KLHL32: variants seen among roughly 807,000 people sequenced by gnomAD.
KLHL32 encodes the protein kelch-like protein 32.
KLHL32 carries 35 observed loss-of-function variants against 64.8 expected under a neutral mutation model. The observed-to-expected ratio is 0.54, with a 90% CI of 0.41 to 0.72. The LOEUF (loss-of-function observed/expected upper bound fraction) is 0.72. Among genes scored for constraint, KLHL32 ranks in the 30% least tolerant of loss-of-function variants. KLHL32 has a pLI of 0.00. For synonymous variants in KLHL32, 259 were observed against 281.0 expected, an observed-to-expected ratio of 0.92 and a Z score of 0.78; for missense variants, 589 against 768.5, an observed-to-expected ratio of 0.77 and a Z score of 2.76.
chr6:97,018,978 A>G (rs1201476754), intron 3 of KLHL32, among the ~76,000 whole-genome samples: 1 of 152,236 alleles, frequency 6.6e-6, no homozygotes, highest in Non-Finnish European at 1.5e-5. Flanking sequence ...ACACATTCTC[A>G]GCACACATGA....
chr6:96,991,277 G>T (rs1218640431), intron 3 of KLHL32, among the ~76,000 whole-genome samples: 1 of 152,134 alleles, frequency 6.6e-6, no homozygotes, highest in Non-Finnish European at 1.5e-5. Flanking sequence ...TGCTCAGCTG[G>T]GGGTGGGGTG....
intron 6 of KLHL32, among the ~76,000 whole-genome samples, chr6:97,087,640 G>C (rs565103774): frequency 9.2e-5 from 14 of 152,164 alleles, no homozygotes; most frequent in Non-Finnish European, 1.9e-4. Context: ...GGAGGGGGGC[G>C]TGCTATTTGA....
chr6:97,062,505 T>C (rs1262657013), intron 4 of KLHL32: 1 of 152,236 alleles, frequency 6.6e-6, no homozygotes, highest in Non-Finnish European at 1.5e-5. Context: ...AAGATGAGTG[T>C]TGGTATTTTT....
chr6:97,055,727 G>A (rs954349273), intron 4 of KLHL32, among the ~76,000 whole-genome samples: 1 of 148,956 alleles, frequency 6.7e-6, no homozygotes, highest in Non-Finnish European at 1.5e-5. Flanking sequence ...GAACCTGGGA[G>A]GTGGAGGTTG....
intron 4 of KLHL32, chr6:97,062,633 C>T (rs1789097336): frequency 6.6e-6 from 1 of 152,070 alleles, no homozygotes; most frequent in South Asian, 2.1e-4. Flanking sequence ...GTGTAGAGAT[C>T]AATTAATTCA....
At chr6:97,016,080 G>A (rs1781148607) in intron 3 of KLHL32, among the ~76,000 whole-genome samples, 1 of 152,214 alleles carries the variant, frequency 6.6e-6, no homozygotes, top group African/African-American at 2.4e-5. Context: ...CTGCAGGGTT[G>A]GAGCCCTCAT....
intron 4 of KLHL32, among the ~76,000 whole-genome samples, chr6:97,046,740 A>G (rs552109790): frequency 2.6e-5 from 4 of 152,276 alleles, no homozygotes; most frequent in African/African-American, 7.2e-5. Context: ...TTCTCTTACT[A>G]TGGAGTCGAC....
chr6:97,055,950 C>A (rs998986097), intron 4 of KLHL32, among the ~76,000 whole-genome samples: 2 of 151,872 alleles, frequency 1.3e-5, no homozygotes, highest in African/African-American at 2.4e-5. Flanking sequence ...ACTCACTTTT[C>A]CACTCCAAGT....
At chr6:97,101,802 A>C (rs1009623538) in intron 6 of KLHL32, among the ~76,000 whole-genome samples, 1 of 152,218 alleles carries the variant, frequency 6.6e-6, no homozygotes, top group Non-Finnish European at 1.5e-5. Context: ...AGTATTTAAT[A>C]CTGTATAGCA....
At chr6:97,135,459 C>T (rs1382987722) in intron 10 of KLHL32, among the ~76,000 whole-genome samples, 2 of 152,074 alleles carry the variant, frequency 1.3e-5, no homozygotes, top group Admixed American at 6.5e-5. Flanking sequence ...GCATGTGCCA[C>T]CATGCCCAGC....
chr6:97,110,651 A>T (rs1562347858), intron 6 of KLHL32, among the ~76,000 whole-genome samples: 1 of 152,198 alleles, frequency 6.6e-6, no homozygotes, highest in African/African-American at 2.4e-5. Context: ...CTGATCCCCC[A>T]GTAAAATCTG....
At chr6:97,007,120 G>A (rs927081897) in intron 3 of KLHL32, among the ~76,000 whole-genome samples, 20 of 151,862 alleles carry the variant, frequency 1.3e-4, no homozygotes, top group East Asian at 5.8e-4. Flanking sequence ...CTCTCTTTTA[G>A]GGATGCTAAT....
intron 4 of KLHL32, among the ~76,000 whole-genome samples, chr6:97,059,910 A>C (rs543657928): frequency 6.6e-6 from 1 of 152,290 alleles, no homozygotes; most frequent in South Asian, 2.1e-4. Flanking sequence ...GGAAAAAAAA[A>C]ATACCAAAGA....
chr6:96,979,911 T>G (rs765610972), intron 3 of KLHL32, among the ~76,000 whole-genome samples: 2 of 152,204 alleles, frequency 1.3e-5, no homozygotes, highest in Non-Finnish European at 2.9e-5. Flanking sequence ...TATTTTATTC[T>G]TTTTGTGACT....
chr6:97,133,250 G>A (rs1032405962), intron 10 of KLHL32, among the ~76,000 whole-genome samples: 1 of 152,212 alleles, frequency 6.6e-6, no homozygotes, highest in Admixed American at 6.5e-5. Context: ...AATAGCCCTG[G>A]TGCATCAGCA....
chr6:97,050,402 C>A (rs1363198859), intron 4 of KLHL32, among the ~76,000 whole-genome samples: 4 of 152,024 alleles, frequency 2.6e-5, no homozygotes, highest in African/African-American at 9.7e-5. Context: ...TAAGCAGGTG[C>A]AAAAATGGCT....
intron 5 of KLHL32, among the ~76,000 whole-genome samples, chr6:97,079,831 G>A (rs1792206458): frequency 1.3e-5 from 2 of 151,952 alleles, no homozygotes; most frequent in South Asian, 4.2e-4. Context: ...AATTTCAAGT[G>A]AGAAGCAGTG....
intron 4 of KLHL32, among the ~76,000 whole-genome samples, chr6:97,057,170 A>ATTTTTTTTTTTT (rs1788085939): frequency 1.0e-5 from 1 of 97,352 alleles, no homozygotes; most frequent in African/African-American, 5.8e-5. Flanking sequence ...CTATGTGAGT[A>ATTTTTTTTTTTT]TCTTTTTTTT....
chr6:97,077,445 A>G (rs1394172257), intron 5 of KLHL32, among the ~76,000 whole-genome samples: 1 of 152,052 alleles, frequency 6.6e-6, no homozygotes, highest in African/African-American at 2.4e-5. Context: ...GATCATCACT[A>G]AAAACCAAGA....
Sources: allele counts gnomAD v4.1 joint callset (sites outside exome capture counted in the v4.1 genomes callset), GRCh38; gene constraint gnomAD v4.1.1; transcripts MANE v1.5; gene names NCBI Gene and HGNC (gene_info 2026-07-23, HGNC 2026-07-21).